RIN2: variants seen among roughly 807,000 people sequenced by gnomAD.
The protein encoded by RIN2 is RAB5 interacting protein 2.
Under a neutral mutation model 78.0 loss-of-function variants are expected in RIN2, and 36 were observed. That is an observed-to-expected ratio of 0.46 (90% CI 0.35 to 0.61). The LOEUF is 0.61. RIN2 is among the 20% of genes least tolerant of loss of function. The pLI, the probability that RIN2 is intolerant of heterozygous loss-of-function variation, is 0.00. For missense variants in RIN2, 1,087 were observed against 1,159.7 expected (o/e 0.94, Z 0.91); for synonymous variants, 466 against 466.8 (o/e 1.00, Z 0.02).
intron 2 of RIN2, among the ~76,000 whole-genome samples, chr20:19,888,479 T>TG (rs1206293962): frequency 6.6e-6 from 1 of 152,196 alleles, no homozygotes; most frequent in African/African-American, 2.4e-5. Flanking sequence ...TGAAACAGCC[T>TG]CAGTGAACCT....
chr20:19,807,812 C>G (rs1027037503), intron 2 of RIN2, among the ~76,000 whole-genome samples: 1 of 152,196 alleles, frequency 6.6e-6, no homozygotes, highest in Admixed American at 6.5e-5. Context: ...TACCTTGGCT[C>G]TCTCATCTGG....
At chr20:19,931,026 A>G (rs1436230115) in intron 3 of RIN2, among the ~76,000 whole-genome samples, 1 of 152,004 alleles carries the variant, frequency 6.6e-6, no homozygotes, top group Non-Finnish European at 1.5e-5. Context: ...AGGTGGGAGG[A>G]TTGCTTGAGG....
At chr20:19,945,413 C>T (rs2041050641) in intron 4 of RIN2, among the ~76,000 whole-genome samples, 1 of 152,192 alleles carries the variant, frequency 6.6e-6, no homozygotes, top group African/African-American at 2.4e-5. Context: ...GTGGGGTTCC[C>T]ACTGGGGTTT....
intron 2 of RIN2, among the ~76,000 whole-genome samples, chr20:19,844,584 GCTGCTGCTGCTTCTTCCTCTTCTT>G (rs1272992732): frequency 2.9e-5 from 4 of 139,876 alleles, no homozygotes; most frequent in African/African-American, 7.9e-5. Flanking sequence ...AGCTGCTGCT[GCTGCTGCTGCTTCTTCCTCTTCTT>G]CTTCTTCTTC....
At chr20:19,841,549 T>C (rs1350918121) in intron 2 of RIN2, among the ~76,000 whole-genome samples, 2 of 152,138 alleles carry the variant, frequency 1.3e-5, no homozygotes, top group Non-Finnish European at 2.9e-5. Context: ...GATCCAGGCA[T>C]CCACACTGTA....
chr20:19,794,692 G>T lies in RIN2; in HGVS notation c.-162-4930G>T, dbSNP rs187056632. On this transcript the variant is annotated intron_variant, in intron 1 of 12. Transcript: ENST00000255006. ...ACTGGATTAAGAAAAATTAAATCTA[G>T]TTGTATTTCATTTTCTTCAACCTGT... Among the ~76,000 whole-genome samples, 1,158 of 151,946 alleles carry T rather than the reference G, an allele frequency of 7.6e-3. 16 individuals carry two copies. The highest frequency in any genetic ancestry group is 0.024 in the Middle Eastern group (7 of 294).
chr20:19,850,065 C>T (rs566958767), intron 2 of RIN2, among the ~76,000 whole-genome samples: 4 of 152,186 alleles, frequency 2.6e-5, no homozygotes, highest in Admixed American at 6.5e-5. Context: ...GCTGGGCTGC[C>T]GGCCTCACGC....
At chr20:19,774,205 A>G (rs998077094) in intron 1 of RIN2, among the ~76,000 whole-genome samples, 2 of 152,202 alleles carry the variant, frequency 1.3e-5, no homozygotes, top group African/African-American at 4.8e-5. Context: ...TGACATAAAT[A>G]TGAATGTATC....
chr20:19,981,902 T>G (rs2042465632), intron 9 of RIN2, among the ~76,000 whole-genome samples: 1 of 152,226 alleles, frequency 6.6e-6, no homozygotes, highest in African/African-American at 2.4e-5. Context: ...GCCCCATGCC[T>G]GGGCGGTGAT....
At chr20:19,816,975 C>T (rs928488481) in intron 2 of RIN2, among the ~76,000 whole-genome samples, 1 of 152,042 alleles carries the variant, frequency 6.6e-6, no homozygotes, top group Non-Finnish European at 1.5e-5. Flanking sequence ...GGCATGATTG[C>T]AATATAATCA....
intron 2 of RIN2, among the ~76,000 whole-genome samples, chr20:19,873,743 C>T (rs2037765629): frequency 6.6e-6 from 1 of 152,178 alleles, no homozygotes; most frequent in South Asian, 2.1e-4. Flanking sequence ...ACCGAATTTG[C>T]ATCTCTGTGG....
chr20:19,978,415 G>A (rs1371022175), intron 9 of RIN2, among the ~76,000 whole-genome samples: 1 of 152,152 alleles, frequency 6.6e-6, no homozygotes, highest in Non-Finnish European at 1.5e-5. Flanking sequence ...TTCAGAGGGT[G>A]GTTCTTCAGT....
chr20:19,986,657 C>G lies in RIN2; in HGVS notation c.1763-3349C>G, dbSNP rs150598379. ...TTCTGATGTCATCATTCCCCAGAAG[C>G]AGCTGCGAGCCTTTTGGGGATGATT... On this transcript the variant is annotated intron_variant, in intron 9 of 12. Coordinates refer to ENST00000255006, the MANE Select transcript of RIN2 (RefSeq NM_018993.4). Among the ~76,000 whole-genome samples the G allele has an allele frequency of 5.0e-3, 763 of 152,308 alleles. 5 individuals are homozygous for G. The highest frequency in any genetic ancestry group is 0.017 in the African/African-American group (723 of 41,572).
At chr20:19,983,505 T>G (rs1017463238) in intron 9 of RIN2, among the ~76,000 whole-genome samples, 1 of 150,954 alleles carries the variant, frequency 6.6e-6, no homozygotes, top group Non-Finnish European at 1.5e-5. Flanking sequence ...TGTTAGCAAT[T>G]ATAAATGTTT....
intron 2 of RIN2, among the ~76,000 whole-genome samples, chr20:19,849,182 T>A (rs543700100): frequency 1.4e-4 from 22 of 152,142 alleles, no homozygotes; most frequent in Non-Finnish European, 2.6e-4. Flanking sequence ...AAAAAAAAAA[T>A]TCTGGTTCCC....
rs57734791 is a variant in RIN2, at chr20:19,931,709, C to CTT, written c.58-3375_58-3374dup. On this transcript the variant is annotated intron_variant, in intron 3 of 12. Transcript: ENST00000255006. ...CTGTATATAATGCTTCTCGATTTGC[C>CTT]TTTTTTTTTTTTTTTTCTGCTTTCA... 2.8e-3 allele frequency among the ~76,000 whole-genome samples: 354 copies of CTT among 128,118 alleles called. 4 individuals are homozygous for CTT. The highest frequency in any genetic ancestry group is 9.7e-3 in the African/African-American group (329 of 33,798). 84.1% of individuals were successfully genotyped at this position (128,118 alleles called of 152,430 possible).
intron 2 of RIN2, among the ~76,000 whole-genome samples, chr20:19,854,595 C>G (rs1196015828): frequency 6.6e-6 from 1 of 152,190 alleles, no homozygotes; most frequent in Non-Finnish European, 1.5e-5. Context: ...AGGTCCTTCA[C>G]ATCCCTTATA....
At chr20:19,929,569 C>A (rs569098916) in intron 3 of RIN2, among the ~76,000 whole-genome samples, 1 of 152,034 alleles carries the variant, frequency 6.6e-6, no homozygotes, top group African/African-American at 2.4e-5. Flanking sequence ...ATCATGTTGG[C>A]GAGGCTGGTT....
intron 7 of RIN2, among the ~76,000 whole-genome samples, chr20:19,967,725 G>A (rs932856813): frequency 1.3e-5 from 2 of 152,156 alleles, no homozygotes; most frequent in Non-Finnish European, 2.9e-5. Context: ...TGCAGAATCC[G>A]GTACAGTGGG....
Sources: allele counts gnomAD v4.1 joint callset (sites outside exome capture counted in the v4.1 genomes callset), GRCh38; gene constraint gnomAD v4.1.1; transcripts MANE v1.5; gene names NCBI Gene and HGNC (gene_info 2026-07-23, HGNC 2026-07-21).